Variants in UBXN8 observed in about 807,000 individuals in gnomAD.
UBXN8 encodes the protein UBX domain protein 8.
In UBXN8, 27 loss-of-function variants were observed where a neutral mutation model predicts 32.1. The ratio of observed to expected loss-of-function variants is 0.84; its 90% CI spans 0.62 to 1.16. The LOEUF is 1.16. Among genes scored for constraint, UBXN8 ranks in the 50% most tolerant of loss-of-function variants. UBXN8 has a pLI of 0.00. For missense variants in UBXN8, 306 were observed against 311.4 expected (o/e 0.98, Z 0.13); for synonymous variants, 109 against 111.8 (o/e 0.98, Z 0.16).
intron 5 of UBXN8, 106 bp from the exon 6 acceptor site, chr8:30,760,778 ATAAG>A (rs1045053885): frequency 4.5e-6 from 3 of 672,626 alleles, no homozygotes; most frequent in Non-Finnish European, 7.6e-6. Flanking sequence ...AAGAAAAGAT[ATAAG>A]TAAGCTTAGA....
At chr8:30,744,060 C>A (rs1805283119), upstream of UBXN8, 1 of 766,098 alleles carries the variant, frequency 1.3e-6, no homozygotes. Context: ...AATAACGACA[C>A]GGCCGTCAGT....
At chr8:30,740,838 T>C (rs1009036863), upstream of UBXN8, among the ~76,000 whole-genome samples, 4 of 152,200 alleles carry the variant, frequency 2.6e-5, no homozygotes, top group African/African-American at 7.2e-5. Flanking sequence ...AGATAGGCTA[T>C]AGGTCAATCC....
chr8:30,754,733 C>G lies in UBXN8; in HGVS notation c.351C>G (p.Arg117=). The G allele has an allele frequency of 6.4e-7, 1 of 1,563,684 alleles. No homozygotes were observed. The highest frequency in any genetic ancestry group is 8.6e-7 in the Non-Finnish European group (1 of 1,164,900). ...QEMKLRKLEE[R]FYQMTGEAWK... ...TGAAATTGAGAAAACTGGAGGAGCG[C>G]TTTTATCAAATGACGGGTGAAGCCT... Residue 117 remains arginine (R), a synonymous_variant, in exon 4 of 8, where the codon CGC becomes CGG. Transcript: ENST00000265616.
chr8:30,764,344 A>G (rs1264119678), intron 7 of UBXN8, among the ~76,000 whole-genome samples: 1 of 152,134 alleles, frequency 6.6e-6, no homozygotes, highest in East Asian at 1.9e-4. Flanking sequence ...CTAATTTTTT[A>G]TTTTTAGTAG....
chr8:30,752,465 A>C (rs1805542858), intron 2 of UBXN8, among the ~76,000 whole-genome samples: 2 of 151,968 alleles, frequency 1.3e-5, no homozygotes, highest in African/African-American at 4.8e-5. Flanking sequence ...GTACCACTGC[A>C]CCTGGCTAAT....
At chr8:30,765,702 C>T (rs902850224) in intron 7 of UBXN8, among the ~76,000 whole-genome samples, 10 of 151,670 alleles carry the variant, frequency 6.6e-5, no homozygotes, top group African/African-American at 2.2e-4. Flanking sequence ...TACAGGTGCC[C>T]GCCACCACGC....
chr8:30,747,771 T>C (rs1805402122), intron 1 of UBXN8, among the ~76,000 whole-genome samples: 2 of 139,852 alleles, frequency 1.4e-5, no homozygotes, highest in African/African-American at 5.5e-5. Flanking sequence ...AAGTCATACT[T>C]CTTCTCTAAG....
Position 30,754,672 on chromosome 8 carries a change from G to A in UBXN8, c.290G>A (p.Arg97Lys). 1 of 1,550,492 alleles carries A rather than the reference G, an allele frequency of 6.4e-7. No individual in the cohort carries two copies. The highest frequency in any genetic ancestry group is 8.6e-7 in the Non-Finnish European group (1 of 1,160,484). ...ATTTGTTGTTTTCAACAGGCCAGCAGATACATAGAGAATGTTTTAAAACCT... is the reference window on the plus strand; with the variant it reads ...ATTTGTTGTTTTCAACAGGCCAGCAAATACATAGAGAATGTTTTAAAACCT... ...QQEAQGEKAS[R>K]YIENVLKPHQ... Residue 97 changes from arginine to lysine, a missense_variant, in exon 4 of 8, where the codon AGA becomes AAA. Coordinates refer to ENST00000265616, the MANE Select transcript of UBXN8 (RefSeq NM_005671.4).
At chr8:30,758,137 C>A (rs1805712833) in intron 5 of UBXN8, among the ~76,000 whole-genome samples, 1 of 152,106 alleles carries the variant, frequency 6.6e-6, no homozygotes, top group Admixed American at 6.5e-5. Flanking sequence ...ACCACGTGAT[C>A]CGCCCGCCTT....
At chr8:30,755,234 C>T (rs1003536094) in intron 4 of UBXN8, among the ~76,000 whole-genome samples, 9 of 152,054 alleles carry the variant, frequency 5.9e-5, no homozygotes, top group African/African-American at 9.7e-5. Context: ...GGATTACAGG[C>T]GTGAGCCACT....
intron 3 of UBXN8, 56 bp downstream of exon 3, chr8:30,753,161 C>T (rs1805560481): frequency 1.4e-6 from 2 of 1,418,344 alleles, no homozygotes; most frequent in African/African-American, 1.5e-5. Flanking sequence ...ATCTCTGAGG[C>T]AATTAAAATT....
Position 30,754,673 on chromosome 8 carries a change from A to G in UBXN8, c.291A>G (p.Arg97=). The change falls in exon 4 of 8, where the codon AGA becomes AGG. Residue 97 remains arginine, a synonymous_variant. Coordinates refer to ENST00000265616, the MANE Select transcript of UBXN8 (RefSeq NM_005671.4). ...TTTGTTGTTTTCAACAGGCCAGCAG[A>G]TACATAGAGAATGTTTTAAAACCTC... ...QQEAQGEKAS[R]YIENVLKPHQ... The G allele has an allele frequency of 6.4e-7, 1 of 1,551,248 alleles. No individual in the cohort carries two copies. Among genetic ancestry groups the G allele is most frequent in the Non-Finnish European group, 8.6e-7 (1 of 1,160,858 alleles).
intron 4 of UBXN8, 148 bp from the exon 5 acceptor site, chr8:30,756,617 T>A: frequency 8.6e-7 from 1 of 1,166,990 alleles, no homozygotes; most frequent in South Asian, 1.6e-5. Context: ...GAGATAATGC[T>A]TTAATTTTTT....
chr8:30,760,443 A>ATTTTTTTT lies in UBXN8; in HGVS notation c.529-437_529-430dup, dbSNP rs199634258. On this transcript the variant is annotated intron_variant, in intron 5 of 7. Transcript: ENST00000265616. Reference sequence around the variant, plus strand: ...ATCATATATATATATATATATATATATTTTTTTTTTTTTTTAAAGTGACAG... The same window carrying ATTTTTTTT: ...ATCATATATATATATATATATATATATTTTTTTTTTTTTTTTTTTTTTTAAAGTGACAG... 2.8e-3 allele frequency among the ~76,000 whole-genome samples: 256 copies of ATTTTTTTT among 91,090 alleles called. 3 individuals carry two copies. Among genetic ancestry groups the ATTTTTTTT allele is most frequent in the East Asian group, 3.6e-3 (12 of 3,360 alleles). 59.8% of individuals were successfully genotyped at this position (91,090 alleles called of 152,430 possible).
At chr8:30,750,566 A>T (rs1164480516) in intron 1 of UBXN8, among the ~76,000 whole-genome samples, 1 of 151,798 alleles carries the variant, frequency 6.6e-6, no homozygotes, top group Non-Finnish European at 1.5e-5. Flanking sequence ...AGGTCAGGAG[A>T]TCGGGACCAT....
At chr8:30,738,535 C>A (rs1805117057) in intron 1 of UBXN8, among the ~76,000 whole-genome samples, 1 of 151,782 alleles carries the variant, frequency 6.6e-6, no homozygotes, top group Admixed American at 6.6e-5. Flanking sequence ...GTGGCAGGCG[C>A]CTGTAGTCCC....
intron 1 of UBXN8, among the ~76,000 whole-genome samples, chr8:30,737,283 G>A (rs1805086958): frequency 6.6e-6 from 1 of 152,036 alleles, no homozygotes; most frequent in Admixed American, 6.6e-5. Flanking sequence ...AGTCTGTTGG[G>A]AAATCACTCT....
intron 1 of UBXN8, among the ~76,000 whole-genome samples, chr8:30,738,124 C>T (rs1010135994): frequency 2.6e-5 from 4 of 150,976 alleles, no homozygotes; most frequent in Non-Finnish European, 4.4e-5. Flanking sequence ...AGGAGAATCT[C>T]TCGACTTCAA....
At chr8:30,730,167 GA>G (rs1057407192), upstream of UBXN8, among the ~76,000 whole-genome samples, 1 of 152,198 alleles carries the variant, frequency 6.6e-6, no homozygotes, top group African/African-American at 2.4e-5. Flanking sequence ...AGCCTCAGGA[GA>G]AACCCCTCCC....
Sources: allele counts gnomAD v4.1 joint callset (sites outside exome capture counted in the v4.1 genomes callset), GRCh38; gene constraint gnomAD v4.1.1; transcripts MANE v1.5; gene names NCBI Gene and HGNC (gene_info 2026-07-23, HGNC 2026-07-21).